The following KCNQ3 variants were observed in gnomAD, a reference collection of about 807,000 sequenced individuals.
KCNQ3 encodes the protein potassium voltage-gated channel subfamily Q member 3.
Under a neutral mutation model 92.5 loss-of-function variants are expected in KCNQ3, and 30 were observed. The observed-to-expected ratio is 0.32, with a 90% CI of 0.24 to 0.44. The LOEUF (loss-of-function observed/expected upper bound fraction) is 0.44, where lower values mean the gene tolerates loss of function less well. KCNQ3 is among the 20% of genes least tolerant of loss of function. KCNQ3 has a pLI of 1.00. For missense variants in KCNQ3, 913 were observed against 1,140.3 expected (o/e 0.80, Z 2.87); for synonymous variants, 450 against 468.8 (o/e 0.96, Z 0.52).
chr8:132,254,129 C>T (rs1038180055), intron 1 of KCNQ3, among the ~76,000 whole-genome samples: 2 of 152,176 alleles, frequency 1.3e-5, no homozygotes, highest in African/African-American at 4.8e-5. Flanking sequence ...TTACCCTAGA[C>T]CGACTGATTT....
chr8:132,141,044 G>T, intron 10 of KCNQ3, 85 bp downstream of exon 10: 1 of 1,277,814 alleles, frequency 7.8e-7, no homozygotes, highest in Non-Finnish European at 1.1e-6. Context: ...AGGTTCTTAA[G>T]TGGGCAAAGG....
At chr8:132,183,273 T>G (rs1464767872) in intron 3 of KCNQ3, among the ~76,000 whole-genome samples, 1 of 151,848 alleles carries the variant, frequency 6.6e-6, no homozygotes, top group African/African-American at 2.4e-5. Flanking sequence ...TCTTCTGGAG[T>G]AGAGAGGGGG....
chr8:132,468,915 T>TGAGCTGTA (rs1261504781), intron 1 of KCNQ3, among the ~76,000 whole-genome samples: 1 of 152,204 alleles, frequency 6.6e-6, no homozygotes, highest in African/African-American at 2.4e-5. Context: ...GTGTTGCTCT[T>TGAGCTGTA]GAGCTGTAAC....
intron 1 of KCNQ3, among the ~76,000 whole-genome samples, chr8:132,197,002 A>G (rs572276481): frequency 6.6e-6 from 1 of 150,552 alleles, no homozygotes; most frequent in South Asian, 2.1e-4. Context: ...GTGTTCCACC[A>G]TGTCTCATGG....
At chr8:132,397,204 G>C (rs748024760) in intron 1 of KCNQ3, among the ~76,000 whole-genome samples, 7 of 152,066 alleles carry the variant, frequency 4.6e-5, no homozygotes, top group Non-Finnish European at 8.8e-5. Flanking sequence ...CAGTCTGAGT[G>C]GCTGAGTCAG....
chr8:132,181,479 CT>C (rs1222172123), intron 3 of KCNQ3, among the ~76,000 whole-genome samples: 1 of 152,174 alleles, frequency 6.6e-6, no homozygotes, highest in Non-Finnish European at 1.5e-5. Flanking sequence ...CAGATATACA[CT>C]GTGGTTCTCA....
rs550453325 is a variant in KCNQ3, at chr8:132,276,347, A to G, written c.387-90166T>C. On this transcript the variant is annotated intron_variant, in intron 1 of 14. Transcript: ENST00000388996. The stretch of plus-strand genomic sequence containing the variant: ...GGTGCTGAGGTGTAAGTAATGCAGG[A>G]GAATTGCAGAAAGAGGAGTGACAGG... 6.6e-5 allele frequency among the ~76,000 whole-genome samples: 10 copies of G among 152,204 alleles called. No homozygotes were observed. The South Asian group carries it at 1.9e-3, about 28-fold the overall frequency.
intron 1 of KCNQ3, among the ~76,000 whole-genome samples, chr8:132,452,043 G>T (rs982664845): frequency 1.5e-4 from 23 of 152,210 alleles, no homozygotes; most frequent in Non-Finnish European, 2.8e-4. Flanking sequence ...TCACACCGCA[G>T]CCAAGGGTTG....
chr8:132,384,218 T>C (rs1025486803), intron 1 of KCNQ3, among the ~76,000 whole-genome samples: 1 of 152,174 alleles, frequency 6.6e-6, no homozygotes, highest in Non-Finnish European at 1.5e-5. Flanking sequence ...TCTGTTCCCT[T>C]GTCCCGGTGA....
chr8:132,375,363 A>C (rs1387160271), intron 1 of KCNQ3, among the ~76,000 whole-genome samples: 1 of 152,168 alleles, frequency 6.6e-6, no homozygotes, highest in East Asian at 1.9e-4. Context: ...CCTTTTGGGA[A>C]ATCTCTCGAG....
At chr8:132,407,895 G>A (rs764750990) in intron 1 of KCNQ3, among the ~76,000 whole-genome samples, 3 of 152,098 alleles carry the variant, frequency 2.0e-5, no homozygotes, top group African/African-American at 7.2e-5. Context: ...CCGAGCTAAC[G>A]AAGAGGGCAG....
chr8:132,273,957 A>C (rs1271692878), intron 1 of KCNQ3, among the ~76,000 whole-genome samples: 1 of 152,198 alleles, frequency 6.6e-6, no homozygotes, highest in Non-Finnish European at 1.5e-5. Flanking sequence ...AAGCCATTCA[A>C]CAAGTCTCTA....
intron 9 of KCNQ3, among the ~76,000 whole-genome samples, chr8:132,156,925 G>A (rs1052304713): frequency 2.6e-5 from 4 of 152,152 alleles, no homozygotes; most frequent in African/African-American, 9.7e-5. Flanking sequence ...ATGTAAAGTG[G>A]GAGGCAGAGA....
At chr8:132,225,510 G>C (rs1043360569) in intron 1 of KCNQ3, among the ~76,000 whole-genome samples, 1 of 152,120 alleles carries the variant, frequency 6.6e-6, no homozygotes, top group Non-Finnish European at 1.5e-5. Context: ...CCAAGAACTG[G>C]GACAATATGA....
chr8:132,425,435 G>C (rs1401110172), intron 1 of KCNQ3, among the ~76,000 whole-genome samples: 1 of 152,156 alleles, frequency 6.6e-6, no homozygotes, highest in Non-Finnish European at 1.5e-5. Context: ...TGCATTGAGA[G>C]GATCTTGTGA....
At chr8:132,333,232 C>T (rs1431251005) in intron 1 of KCNQ3, among the ~76,000 whole-genome samples, 1 of 152,112 alleles carries the variant, frequency 6.6e-6, no homozygotes, top group Admixed American at 6.5e-5. Flanking sequence ...CCTTACCAAC[C>T]CCTCTAAGTC....
chr8:132,133,211 G>A (rs1368396431), intron 13 of KCNQ3, among the ~76,000 whole-genome samples: 1 of 152,184 alleles, frequency 6.6e-6, no homozygotes, highest in Admixed American at 6.5e-5. Context: ...AAAGAAGGTA[G>A]AGACTTCATT....
At chr8:132,422,680 G>A (rs1587005574) in intron 1 of KCNQ3, among the ~76,000 whole-genome samples, 2 of 152,102 alleles carry the variant, frequency 1.3e-5, no homozygotes, top group South Asian at 2.1e-4. Context: ...TCTCAGGGAC[G>A]CCTCCTCCCA....
chr8:132,237,472 A>C (rs115374051), intron 1 of KCNQ3, among the ~76,000 whole-genome samples: 286 of 152,334 alleles, frequency 1.9e-3, no homozygotes, highest in African/African-American at 6.4e-3. Context: ...TCATTGGCCC[A>C]AGGTTACAGC....
Sources: allele counts gnomAD v4.1 joint callset (sites outside exome capture counted in the v4.1 genomes callset), GRCh38; gene constraint gnomAD v4.1.1; transcripts MANE v1.5; gene names NCBI Gene and HGNC (gene_info 2026-07-23, HGNC 2026-07-21).